AK3: variants seen among roughly 807,000 people sequenced by gnomAD.
AK3 encodes the protein adenylate kinase 3.
AK3 carries 27 observed loss-of-function variants against 23.7 expected under a neutral mutation model. The observed-to-expected ratio is 1.14, with a 90% CI of 0.84 to 1.57. The LOEUF (loss-of-function observed/expected upper bound fraction) is 1.57. AK3 is among the 40% of genes most tolerant of loss of function. The pLI, the probability that AK3 is intolerant of heterozygous loss-of-function variation, is 0.00. For synonymous variants in AK3, 159 were observed against 116.0 expected (o/e 1.37, Z -2.38); for missense variants, 406 against 285.6 (o/e 1.42, Z -3.04).
intron 4 of AK3, among the ~76,000 whole-genome samples, chr9:4,716,354 T>C (rs772243309): frequency 7.9e-5 from 12 of 152,178 alleles, no homozygotes; most frequent in Non-Finnish European, 1.8e-4. Flanking sequence ...GAGTGAACAA[T>C]AATTGCTGAC....
intron 1 of AK3, among the ~76,000 whole-genome samples, chr9:4,739,674 G>A (rs1005990620): frequency 2.0e-5 from 3 of 152,058 alleles, no homozygotes; most frequent in Admixed American, 6.6e-5. Context: ...GCTCACGCCT[G>A]TAATCCGAGC....
intron 1 of AK3, 83 bp downstream of exon 1, chr9:4,740,854 C>T (rs764206199): frequency 7.4e-7 from 1 of 1,347,454 alleles, no homozygotes; most frequent in Non-Finnish European, 9.7e-7. Context: ...AGCCAGGGAC[C>T]CGCGTGCCCA....
At position 4,727,630 on chromosome 9, in the gene AK3, T is replaced by C. The variant is rs13440206; in HGVS notation, c.152-5005A>G. On this transcript the variant is annotated intron_variant, in intron 1 of 4. Coordinates refer to ENST00000381809, the MANE Select transcript of AK3 (RefSeq NM_016282.4). Reference sequence around the variant, plus strand: ...TTCTAGACCACTCAAGCTTTCTCCATATCAACAACAAGGTTGTTTTGCTTT... The same window carrying C: ...TTCTAGACCACTCAAGCTTTCTCCACATCAACAACAAGGTTGTTTTGCTTT... 5.5e-3 allele frequency among the ~76,000 whole-genome samples: 832 copies of C among 152,318 alleles called. 13 individuals are homozygous for C. The highest frequency in any genetic ancestry group is 0.019 in the African/African-American group (771 of 41,574).
At chr9:4,721,218 C>T (rs1841886700) in intron 2 of AK3, among the ~76,000 whole-genome samples, 1 of 151,978 alleles carries the variant, frequency 6.6e-6, no homozygotes, top group Non-Finnish European at 1.5e-5. Flanking sequence ...GTCTGGCCAA[C>T]ATAGTGAAAC....
chr9:4,722,202 G>C (rs530713861), intron 2 of AK3, among the ~76,000 whole-genome samples: 2 of 152,294 alleles, frequency 1.3e-5, no homozygotes, highest in South Asian at 4.1e-4. Context: ...ACAGCTTATT[G>C]TAAATTACTC....
In AK3 at chr9:4,709,737, C is replaced by A; in HGVS notation, c.*3239G>T. The A allele has an allele frequency of 6.6e-6, 1 of 152,108 alleles. No homozygotes were observed. The highest frequency in any genetic ancestry group is 1.9e-4 in the East Asian group (1 of 5,190). The allele number at this position is 152,108 out of a possible 1,614,324, so 9.4% of individuals were successfully genotyped here. On this transcript the variant is annotated 3_prime_UTR_variant, in exon 5 of 5. Transcript: ENST00000381809. ...TTTTAACTGTTTAAAAATTTTTTAA[C>A]CATAACTTCCAAGATGAAAATCTTT...
At position 4,710,982 on chromosome 9, in the gene AK3, G is replaced by A. The variant is rs1008543102; in HGVS notation, c.*1994C>T. 6.6e-6 allele frequency: 1 copy of A among 152,128 alleles called. No individual in the cohort carries two copies. The highest frequency in any genetic ancestry group is 1.5e-5 in the Non-Finnish European group (1 of 68,036). The allele number at this position is 152,128 out of a possible 1,614,324, so 9.4% of individuals were successfully genotyped here. Reference sequence around the variant, plus strand: ...TAATGAATGTATGTGCAAAACTTTGGGCTAAGTGTTTGCGGGTGGGGAGGG... The same window carrying A: ...TAATGAATGTATGTGCAAAACTTTGAGCTAAGTGTTTGCGGGTGGGGAGGG... On this transcript the variant is annotated 3_prime_UTR_variant, in exon 5 of 5. Coordinates refer to ENST00000381809, the MANE Select transcript of AK3 (RefSeq NM_016282.4).
At chr9:4,737,479 G>C (rs1244860595) in intron 1 of AK3, among the ~76,000 whole-genome samples, 1 of 152,218 alleles carries the variant, frequency 6.6e-6, no homozygotes, top group Admixed American at 6.5e-5. Context: ...GTCTGACTCT[G>C]AGAGGCCAAG....
At chr9:4,731,416 A>G (rs563848121) in intron 1 of AK3, among the ~76,000 whole-genome samples, 16 of 152,304 alleles carry the variant, frequency 1.1e-4, no homozygotes, top group Non-Finnish European at 2.2e-4. Flanking sequence ...AAAGGCCTCC[A>G]GCTCCATCCA....
chr9:4,722,731 T>A (rs1048506737), intron 1 of AK3, 106 bp from the exon 2 acceptor site: 3 of 1,484,916 alleles, frequency 2.0e-6, no homozygotes, highest in Non-Finnish European at 2.8e-6. Context: ...CATACTCATC[T>A]GAAAATGTGC....
chr9:4,718,645 C>G (rs931308884), intron 3 of AK3, 108 bp from the exon 4 acceptor site: 3 of 799,292 alleles, frequency 3.8e-6, no homozygotes, highest in African/African-American at 1.7e-5. Context: ...GTGCCAAGCA[C>G]AAAAATGTGC....
intron 1 of AK3, among the ~76,000 whole-genome samples, chr9:4,723,584 C>T (rs73641820): frequency 0.059 from 8,948 of 152,262 alleles, 838 homozygotes; most frequent in African/African-American, 0.2. Context: ...ACTATTTCTA[C>T]ACCTTCAGAA....
intron 1 of AK3, among the ~76,000 whole-genome samples, chr9:4,734,909 A>G (rs371483001): frequency 6.6e-6 from 1 of 152,168 alleles, no homozygotes. Context: ...AAAAGACCAC[A>G]TATTGTATGA....
intron 1 of AK3, among the ~76,000 whole-genome samples, chr9:4,737,423 T>C (rs1842322522): frequency 6.6e-6 from 1 of 152,182 alleles, no homozygotes; most frequent in Non-Finnish European, 1.5e-5. Context: ...CTGTTTACTA[T>C]CAAGCAAGTT....
intron 1 of AK3, among the ~76,000 whole-genome samples, chr9:4,730,477 C>T (rs983803083): frequency 3.3e-5 from 5 of 152,100 alleles, no homozygotes; most frequent in Non-Finnish European, 4.4e-5. Flanking sequence ...ACTTTCATTG[C>T]CTGTGGTCCC....
In AK3 at chr9:4,712,798, A is replaced by G. The variant is rs1251331902; in HGVS notation, c.*178T>C. 1.9e-5 allele frequency: 12 copies of G among 628,656 alleles called. No homozygotes were observed. Among genetic ancestry groups the G allele is most frequent in the African/African-American group, 3.7e-5 (2 of 54,434 alleles). The allele number at this position is 628,656 out of a possible 1,614,324, so 38.9% of individuals were successfully genotyped here. On this transcript the variant is annotated 3_prime_UTR_variant, in exon 5 of 5. Transcript: ENST00000381809. ...CACACTAGATGATTTCAAACGATGC[A>G]TCTTAGTATCCGAATCATTTGGCAC...
At chr9:4,733,124 C>T (rs976381203) in intron 1 of AK3, among the ~76,000 whole-genome samples, 2 of 152,090 alleles carry the variant, frequency 1.3e-5, no homozygotes, top group Non-Finnish European at 2.9e-5. Context: ...GCTGGGATTA[C>T]AGGGGTGAGC....
In AK3 at chr9:4,716,963, T is replaced by C. The variant is rs115905970; in HGVS notation, c.563+1456A>G. Among the ~76,000 whole-genome samples, 692 of 152,290 alleles carry C rather than the reference T, an allele frequency of 4.5e-3. 7 individuals carry two copies. Among genetic ancestry groups the C allele is most frequent in the African/African-American group, 0.016 (659 of 41,560 alleles). Reference sequence around the variant, plus strand: ...AATAAATAAATAACAGTTTGGAAACTATTGCTTCAGATTTCTACTGCATAC... The same window carrying C: ...AATAAATAAATAACAGTTTGGAAACCATTGCTTCAGATTTCTACTGCATAC... On this transcript the variant is annotated intron_variant, in intron 4 of 4. Coordinates refer to ENST00000381809, the MANE Select transcript of AK3 (RefSeq NM_016282.4).
chr9:4,712,894 G>A lies in AK3; in HGVS notation c.*82C>T. 2.1e-6 allele frequency: 3 copies of A among 1,461,666 alleles called. No homozygotes were observed. The highest frequency in any genetic ancestry group is 1.3e-5 in the South Asian group (1 of 76,474). 90.5% of individuals were successfully genotyped at this position (1,461,666 alleles called of 1,614,324 possible). On this transcript the variant is annotated 3_prime_UTR_variant, in exon 5 of 5. Coordinates refer to ENST00000381809, the MANE Select transcript of AK3 (RefSeq NM_016282.4). Reference sequence around the variant, plus strand: ...ATTTTCAAAGAATTCATACATACTAGAAGTCTTAGGAAAAGCAGCTTCTAA... The same window carrying A: ...ATTTTCAAAGAATTCATACATACTAAAAGTCTTAGGAAAAGCAGCTTCTAA...
Sources: allele counts gnomAD v4.1 joint callset (sites outside exome capture counted in the v4.1 genomes callset), GRCh38; gene constraint gnomAD v4.1.1; transcripts MANE v1.5; gene names NCBI Gene and HGNC (gene_info 2026-07-23, HGNC 2026-07-21).